Variants in ARHGAP8 observed in about 807,000 individuals in gnomAD.
ARHGAP8 encodes rho GTPase-activating protein 8.
In ARHGAP8, 62 loss-of-function variants were observed where a neutral mutation model predicts 46.1. The observed-to-expected ratio is 1.34, with a 90% CI of 1.10 to 1.66. ARHGAP8 has a LOEUF of 1.66. Ranked by LOEUF, ARHGAP8 falls within the 40% of genes most tolerant of loss-of-function variation. The pLI is 0.00. For synonymous variants in ARHGAP8, 375 were observed against 243.1 expected (o/e 1.54, Z -5.05); for missense variants, 923 against 568.4 (o/e 1.62, Z -6.34).
intron 10 of ARHGAP8, 157 bp from the exon 11 acceptor site, chr22:44,859,574 C>G: frequency 1.4e-6 from 1 of 706,158 alleles, no homozygotes. Context: ...CTGAGCAGAG[C>G]CATACGGCCA....
chr22:44,827,962 G>C (rs149925378), intron 7 of ARHGAP8, among the ~76,000 whole-genome samples: 2 of 152,296 alleles, frequency 1.3e-5, no homozygotes, highest in Non-Finnish European at 2.9e-5. Flanking sequence ...GCACGGTCCA[G>C]TATGGTAGCC....
At chr22:44,800,214 C>T (rs1465721389) in intron 2 of ARHGAP8, among the ~76,000 whole-genome samples, 3 of 151,588 alleles carry the variant, frequency 2.0e-5, no homozygotes, top group African/African-American at 7.3e-5. Flanking sequence ...AGCCATTCTC[C>T]TGCCTCAGCC....
intron 4 of ARHGAP8, chr22:44,809,191 A>T (rs760933617): frequency 2.1e-6 from 1 of 470,506 alleles, no homozygotes; most frequent in South Asian, 1.5e-5. Context: ...TATTGCAACA[A>T]CTCTGCTGGA....
Position 44,853,199 on chromosome 22 carries a change from C to T in ARHGAP8, c.877+4139C>T, listed in dbSNP as rs115297603. Among the ~76,000 whole-genome samples, 507 of 152,266 alleles carry T rather than the reference C, an allele frequency of 3.3e-3. 6 individuals carry two copies. Among genetic ancestry groups the T allele is most frequent in the African/African-American group, 0.012 (486 of 41,562 alleles). ...CATGGTAGAGAGAGAGTGGCAGCAGCTGGCCAGTGAATTCCATAGTTTGCA... is the reference window on the plus strand; with the variant it reads ...CATGGTAGAGAGAGAGTGGCAGCAGTTGGCCAGTGAATTCCATAGTTTGCA... On this transcript the variant is annotated intron_variant, in intron 10 of 11. Transcript: ENST00000356099.
At chr22:44,837,188 A>C (rs1423627868) in intron 7 of ARHGAP8, among the ~76,000 whole-genome samples, 1 of 152,108 alleles carries the variant, frequency 6.6e-6, no homozygotes, top group Non-Finnish European at 1.5e-5. Flanking sequence ...CCCAGCCCCT[A>C]CTGTTTTTAA....
intron 3 of ARHGAP8, among the ~76,000 whole-genome samples, chr22:44,806,881 G>T (rs1372770480): frequency 2.0e-5 from 3 of 151,092 alleles, no homozygotes; most frequent in Admixed American, 6.6e-5. Flanking sequence ...CGAGAACGGC[G>T]TGAATCCAGG....
chr22:44,822,199 G>T (rs923789844), intron 5 of ARHGAP8, among the ~76,000 whole-genome samples, 172 bp from the exon 6 acceptor site: 1 of 152,038 alleles, frequency 6.6e-6, no homozygotes, highest in Non-Finnish European at 1.5e-5. Context: ...AATATCTCCC[G>T]GCGTGCGCTG....
chr22:44,862,390 T>C lies in ARHGAP8; in HGVS notation c.1097T>C (p.Leu366Pro). The C allele has an allele frequency of 5.6e-6, 9 of 1,614,142 alleles. No individual in the cohort carries two copies. Among genetic ancestry groups the C allele is most frequent in the Non-Finnish European group, 6.8e-6 (8 of 1,180,008 alleles). ...GVSSLSALVP[L>P]NMFTELLIEY... ...TCCTCCCTGAGTGCCCTTGTGCCCC[T>C]GAACATGTTCACTGAACTGCTGATC... is the stretch of plus-strand genomic sequence containing the variant. The change falls in exon 12 of 12, where the codon CTG becomes CCG. Residue 366 changes from leucine to proline, a missense_variant. Physicochemically the swap from Leu to Pro is moderately conservative, Grantham distance 98. Coordinates refer to ENST00000356099, the MANE Select transcript of ARHGAP8 (RefSeq NM_181335.3).
chr22:44,761,223 G>A (rs132451), intron 1 of ARHGAP8, among the ~76,000 whole-genome samples: 98,631 of 152,046 alleles, frequency 0.65, 32,311 homozygotes, highest in Middle Eastern at 0.71. Context: ...TCAGCCCTCC[G>A]TATTGGTGGC....
intron 5 of ARHGAP8, among the ~76,000 whole-genome samples, chr22:44,817,166 C>T (rs1257794999): frequency 3.3e-5 from 5 of 152,178 alleles, no homozygotes; most frequent in Non-Finnish European, 5.9e-5. Flanking sequence ...GGATTACAGG[C>T]GTGAGCCACC....
chr22:44,842,634 CAT>C (rs1222176046), intron 7 of ARHGAP8, among the ~76,000 whole-genome samples: 1 of 152,184 alleles, frequency 6.6e-6, no homozygotes, highest in African/African-American at 2.4e-5. Context: ...AATGTGCAAA[CAT>C]AGCTGATGCG....
Position 44,855,720 on chromosome 22 carries a change from C to CA in ARHGAP8, c.878-4010dup, listed in dbSNP as rs746629852. ...TGGCCATGGATACAAGAGATGTTCT[C>CA]AGAGTCCCCCAGGATCCAAAGTTAC... is the stretch of plus-strand genomic sequence containing the variant. On this transcript the variant is annotated intron_variant, in intron 10 of 11. Transcript: ENST00000356099. Among the ~76,000 whole-genome samples the CA allele has an allele frequency of 2.0e-5, 3 of 152,140 alleles. No individual in the cohort carries two copies. In the East Asian group the frequency reaches 5.8e-4, roughly 29 times the overall value.
chr22:44,852,522 G>C (rs1184546398), intron 10 of ARHGAP8, among the ~76,000 whole-genome samples: 1 of 152,084 alleles, frequency 6.6e-6, no homozygotes, highest in East Asian at 1.9e-4. Flanking sequence ...TAGTGTTCCG[G>C]ACCCCAGCAT....
At chr22:44,756,862 C>G (rs1263648973) in intron 1 of ARHGAP8, among the ~76,000 whole-genome samples, 1 of 151,638 alleles carries the variant, frequency 6.6e-6, no homozygotes, top group African/African-American at 2.4e-5. Flanking sequence ...TGAATCCATC[C>G]CTCACTTTTT....
At chr22:44,821,846 C>T (rs1466322760) in intron 5 of ARHGAP8, among the ~76,000 whole-genome samples, 1 of 152,164 alleles carries the variant, frequency 6.6e-6, no homozygotes, top group Non-Finnish European at 1.5e-5. Flanking sequence ...CTTGTGGCTG[C>T]GCTGCTCCCT....
At chr22:44,787,775 C>G (rs947983972) in intron 2 of ARHGAP8, among the ~76,000 whole-genome samples, 14 of 152,050 alleles carry the variant, frequency 9.2e-5, no homozygotes, top group African/African-American at 3.4e-4. Context: ...GGAATCTTGT[C>G]AAGGTAATAA....
At chr22:44,861,296 C>CTGAT (rs1246006401) in intron 11 of ARHGAP8, among the ~76,000 whole-genome samples, 29 of 152,270 alleles carry the variant, frequency 1.9e-4, no homozygotes, top group Non-Finnish European at 3.2e-4. Flanking sequence ...TTAGGAGAGA[C>CTGAT]TGATTTCTCT....
At chr22:44,768,972 T>C (rs1384744378) in intron 1 of ARHGAP8, among the ~76,000 whole-genome samples, 1 of 152,028 alleles carries the variant, frequency 6.6e-6, no homozygotes, top group Admixed American at 6.6e-5. Flanking sequence ...GTAGCTGGGA[T>C]TACACGTGTG....
chr22:44,786,459 C>T lies in ARHGAP8; in HGVS notation c.-69C>T. The T allele has an allele frequency of 6.3e-7, 1 of 1,598,706 alleles. No individual in the cohort carries two copies. Among genetic ancestry groups the T allele is most frequent in the Non-Finnish European group, 8.5e-7 (1 of 1,172,942 alleles). On this transcript the variant is annotated splice_region_variant and 5_prime_UTR_variant, in exon 2 of 12. Transcript: ENST00000356099. Reference sequence around the variant, plus strand: ...TCCTTTAATCTTCTTTGCCGCAGAGCTGCAGAGAGACAAGGCGGCGGCGGC... The same window carrying T: ...TCCTTTAATCTTCTTTGCCGCAGAGTTGCAGAGAGACAAGGCGGCGGCGGC...
Sources: gnomAD v4.1 joint callset for allele counts (sites outside exome capture counted in the v4.1 genomes callset) on GRCh38, gnomAD v4.1.1 for gene constraint, MANE v1.5 for transcripts, NCBI Gene and HGNC (gene_info 2026-07-23, HGNC 2026-07-21) for gene names.